GSE1: variants seen among roughly 807,000 people sequenced by gnomAD.
GSE1 encodes the protein genetic suppressor element 1.
In GSE1, 32 loss-of-function variants were observed where a neutral mutation model predicts 112.6. That is an observed-to-expected ratio of 0.28 (90% confidence interval 0.21 to 0.38). The LOEUF is 0.38. Among genes scored for constraint, GSE1 ranks in the 10% least tolerant of loss-of-function variants. The probability of loss-of-function intolerance (pLI) is 1.00; values close to 1 mark genes in which losing one functional copy is unlikely to be tolerated. For synonymous variants in GSE1, 1,115 were observed against 735.6 expected, an observed-to-expected ratio of 1.52 and a Z score of -8.35; for missense variants, 2,348 against 1,699.2, an observed-to-expected ratio of 1.38 and a Z score of -6.71.
intron 1 of GSE1, among the ~76,000 whole-genome samples, chr16:85,302,548 T>C (rs2045557518): frequency 6.6e-6 from 1 of 150,976 alleles, no homozygotes; most frequent in East Asian, 2.0e-4. Context: ...GCGTGAGAGG[T>C]TGTGCTTTCC....
chr16:85,552,669 C>A (rs932501808), upstream of GSE1, among the ~76,000 whole-genome samples: 1 of 152,230 alleles, frequency 6.6e-6, no homozygotes, highest in Non-Finnish European at 1.5e-5. Context: ...AGTGATCTTG[C>A]CTGGAAGCCA....
chr16:85,563,950 A>T (rs1234263367), intron 1 of GSE1, among the ~76,000 whole-genome samples: 1 of 152,214 alleles, frequency 6.6e-6, no homozygotes, highest in Non-Finnish European at 1.5e-5. Flanking sequence ...CTGTCCTCTG[A>T]GGACACAGAC....
chr16:85,646,686 G>A (rs777780713), intron 2 of GSE1, among the ~76,000 whole-genome samples: 2 of 152,156 alleles, frequency 1.3e-5, no homozygotes, highest in Admixed American at 6.5e-5. Flanking sequence ...TGAGCGGCAC[G>A]AGGTCTCCCC....
chr16:85,260,698 C>G (rs1223061527), intron 1 of GSE1, among the ~76,000 whole-genome samples: 6 of 152,256 alleles, frequency 3.9e-5, no homozygotes. Context: ...CCACAGGGCC[C>G]TTTCTGGCCC....
At chr16:85,670,974 C>T in intron 14 of GSE1, 21 bp from the exon 15 acceptor site, 4 of 1,472,562 alleles carry the variant, frequency 2.7e-6, no homozygotes, top group South Asian at 2.3e-5. Context: ...GAAAATACAT[C>T]ACCATCTCCT....
chr16:85,640,981 C>G (rs62051380), intron 2 of GSE1, among the ~76,000 whole-genome samples: 17,533 of 152,286 alleles, frequency 0.12, 1,074 homozygotes, highest in Middle Eastern at 0.16. Flanking sequence ...CCACCTATCC[C>G]GACCCCTTCT....
intron 2 of GSE1, among the ~76,000 whole-genome samples, chr16:85,474,742 A>G (rs1039103958): frequency 2.1e-5 from 3 of 144,894 alleles, no homozygotes; most frequent in South Asian, 2.3e-4. Context: ...CTCCTCCCCA[A>G]CAAGCTCCTC....
Position 85,302,228 on chromosome 16 carries a change from C to T in GSE1, c.2284-55235C>T, listed in dbSNP as rs143916496. Among the ~76,000 whole-genome samples, 476 of 152,288 alleles carry T rather than the reference C, an allele frequency of 3.1e-3. 4 individuals carry two copies. Among genetic ancestry groups the T allele is most frequent in the African/African-American group, 0.011 (438 of 41,550 alleles). ...AATGCACACTCTAATCTTCGCTTGG[C>T]GGTTCAGCTTTCAGGAGCCCCAATT... On this transcript the variant is annotated intron_variant, in intron 1 of 2. Transcript: ENST00000637419.
intron 2 of GSE1, among the ~76,000 whole-genome samples, chr16:85,379,393 G>A (rs1475942965): frequency 2.6e-5 from 4 of 152,214 alleles, no homozygotes; most frequent in Non-Finnish European, 5.9e-5. Context: ...GAAAAACCTT[G>A]TCAGATGTAG....
chr16:85,671,803 C>G (rs143886471), intron 15 of GSE1: 2 of 154,356 alleles, frequency 1.3e-5, no homozygotes, highest in African/African-American at 4.8e-5. Context: ...AACCATCTCA[C>G]GTGGCTCACA....
At chr16:85,242,360 C>A (rs1905235692) in intron 1 of GSE1, among the ~76,000 whole-genome samples, 1 of 152,222 alleles carries the variant, frequency 6.6e-6, no homozygotes, top group Non-Finnish European at 1.5e-5. Context: ...GTGTCACCCT[C>A]CCCGCACCCC....
At chr16:85,553,994 G>A (rs1199765496), upstream of GSE1, among the ~76,000 whole-genome samples, 1 of 152,184 alleles carries the variant, frequency 6.6e-6, no homozygotes, top group African/African-American at 2.4e-5. Context: ...TGCGGGCTCA[G>A]GTCTGTTCCT....
upstream of GSE1, among the ~76,000 whole-genome samples, chr16:85,553,527 G>A (rs2045041286): frequency 6.6e-6 from 1 of 151,946 alleles, no homozygotes; most frequent in Non-Finnish European, 1.5e-5. Context: ...TAGGCCGCCC[G>A]CTGGGAGGGG....
At chr16:85,331,683 GTGTATATATA>G (rs1385726526) in intron 1 of GSE1, among the ~76,000 whole-genome samples, 911 of 46,406 alleles carry the variant, frequency 0.02, 79 homozygotes, top group African/African-American at 0.071. Context: ...GTGTGTGTGT[GTGTATATATA>G]TATATATATA....
At position 85,373,490 on chromosome 16, in the gene GSE1, T is replaced by A. The variant is rs958951065; in HGVS notation, c.2464+15847T>A. ...CTTTCCAGCTCAGCCTGTCTCCCCATTTGTGAAGTAGGGATGCTGTGGCAG... is the reference window on the plus strand; with the variant it reads ...CTTTCCAGCTCAGCCTGTCTCCCCAATTGTGAAGTAGGGATGCTGTGGCAG... On this transcript the variant is annotated intron_variant, in intron 2 of 2. Transcript: ENST00000637419. The surrounding 1 kb of genome is among the most constrained non-coding windows in gnomAD (Gnocchi z 5.1). 6.6e-6 allele frequency among the ~76,000 whole-genome samples: 1 copy of A among 151,624 alleles called. No individual in the cohort carries two copies. Among genetic ancestry groups the A allele is most frequent in the East Asian group, 2.0e-4 (1 of 5,118 alleles).
chr16:85,641,586 G>A lies in GSE1; in HGVS notation c.227-6966G>A, dbSNP rs116188229. Among the ~76,000 whole-genome samples, 345 of 152,388 alleles carry A rather than the reference G, an allele frequency of 2.3e-3. 2 individuals are homozygous for A. Among genetic ancestry groups the A allele is most frequent in the African/African-American group, 8.0e-3 (332 of 41,588 alleles). ...GGTCGCGGCGTGACTTCAGCCTTGC[G>A]CTGTGGTGTGCCTGCTGTCCCGTGT... On this transcript the variant is annotated intron_variant, in intron 2 of 15. Coordinates refer to ENST00000253458, the MANE Select transcript of GSE1 (RefSeq NM_014615.5).
exon 1 of GSE1, chr16:85,171,452 T>G (rs1194444753): frequency 1.0e-6 from 1 of 985,308 alleles, no homozygotes; most frequent in Non-Finnish European, 1.2e-6. Flanking sequence ...TCCACCGGCC[T>G]GGTGGCTACC....
chr16:85,382,901 C>T (rs1475209423), intron 2 of GSE1, among the ~76,000 whole-genome samples: 1 of 151,696 alleles, frequency 6.6e-6, no homozygotes, highest in Admixed American at 6.6e-5. Flanking sequence ...CACACGCATA[C>T]ACTTGTGCAC....
intron 2 of GSE1, among the ~76,000 whole-genome samples, chr16:85,366,193 G>A (rs189925337): frequency 1.1e-3 from 172 of 152,384 alleles, no homozygotes; most frequent in African/African-American, 3.5e-3. Flanking sequence ...TAGCGGCTCC[G>A]CTGCCGAGTG....
Sources: gnomAD v4.1 joint callset for allele counts (sites outside exome capture counted in the v4.1 genomes callset) on GRCh38, gnomAD v4.1.1 for gene constraint, Gnocchi (gnomAD v3.1) non-coding constraint, MANE v1.5 for transcripts, NCBI Gene and HGNC (gene_info 2026-07-23, HGNC 2026-07-21) for gene names.